The following SATB1 variants were observed in gnomAD, a reference collection of about 807,000 sequenced individuals.
SATB1 encodes the protein SATB homeobox 1.
In SATB1, 11 loss-of-function variants were observed where a neutral mutation model predicts 86.9. That is an observed-to-expected ratio of 0.13 (90% CI 0.08 to 0.21). The LOEUF is 0.21. SATB1 is among the 10% of genes least tolerant of loss of function. The probability of loss-of-function intolerance (pLI) is 1.00; values close to 1 mark genes in which losing one functional copy is unlikely to be tolerated. For synonymous variants in SATB1, 357 were observed against 357.2 expected (o/e 1.00, Z 0.01); for missense variants, 551 against 937.6 (o/e 0.59, Z 5.39).
At chr3:18,409,567 C>T (rs1697725642) in intron 5 of SATB1, 1 of 151,958 alleles carries the variant, frequency 6.6e-6, no homozygotes, top group African/African-American at 2.4e-5. Flanking sequence ...ATGGATCCCA[C>T]CATTACAGTA....
upstream of SATB1, among the ~76,000 whole-genome samples, chr3:18,440,838 G>C (rs886553391): frequency 2.0e-5 from 3 of 152,140 alleles, no homozygotes; most frequent in African/African-American, 4.8e-5. Context: ...AGTAATGACT[G>C]TTCTGTAATC....
rs181830293 is a variant in SATB1, at chr3:18,357,335, T to C, written c.1576-5140A>G. On this transcript the variant is annotated intron_variant, in intron 9 of 10. Coordinates refer to ENST00000338745, the MANE Select transcript of SATB1 (RefSeq NM_002971.6). ...AACAAGGATTAAGTACATAATCCAT[T>C]AAATAGTACTTCTAACAAAAAATTC... is the stretch of plus-strand genomic sequence containing the variant. Among the ~76,000 whole-genome samples the C allele has an allele frequency of 8.9e-4, 135 of 152,018 alleles. 3 individuals carry two copies. Among genetic ancestry groups the C allele is most frequent in the Admixed American group, 8.9e-3 (135 of 15,248 alleles).
chr3:18,407,064 G>A (rs941910439), intron 5 of SATB1, among the ~76,000 whole-genome samples: 19 of 152,008 alleles, frequency 1.2e-4, no homozygotes, highest in Non-Finnish European at 2.5e-4. Context: ...TGCTACGATG[G>A]GCACATAAGG....
In SATB1 at chr3:18,352,386, T is replaced by C; in HGVS notation, c.1576-191A>G. On this transcript the variant is annotated intron_variant, in intron 9 of 10. Coordinates refer to ENST00000338745, the MANE Select transcript of SATB1 (RefSeq NM_002971.6). The surrounding 1 kb of genome is among the most constrained non-coding windows in gnomAD (Gnocchi z 4.1). ...GGCTGTCAAGGAGGCAGACTCTGTTTCTAATCAAAGTTCAGATTTGCATCT... is the reference window on the plus strand; with the variant it reads ...GGCTGTCAAGGAGGCAGACTCTGTTCCTAATCAAAGTTCAGATTTGCATCT... 7.1e-6 allele frequency: 4 copies of C among 564,494 alleles called. No individual in the cohort carries two copies. Among genetic ancestry groups the C allele is most frequent in the Admixed American group, 3.0e-5 (1 of 33,012 alleles). 35.0% of individuals were successfully genotyped at this position (564,494 alleles called of 1,614,324 possible). A position where few individuals can be genotyped will look rare whatever the true frequency, so the allele number is the denominator to read the frequency against.
Position 18,349,135 on chromosome 3 carries a change from C to G in SATB1, c.*35G>C. On this transcript the variant is annotated 3_prime_UTR_variant, in exon 11 of 11. Transcript: ENST00000338745. This position sits in a 1 kb window ranked among gnomAD's most constrained non-coding sequence, Gnocchi z 5.5. ...GACTTTTCATTTTGTTAGTAAATAC[C>G]AGTGGCACTGTTGAACGAAACAAAT... The G allele has an allele frequency of 6.3e-7, 1 of 1,597,438 alleles. No homozygotes were observed. Among genetic ancestry groups the G allele is most frequent in the Non-Finnish European group, 8.5e-7 (1 of 1,170,762 alleles).
At chr3:18,373,209 A>G (rs1398724605) in intron 9 of SATB1, among the ~76,000 whole-genome samples, 3 of 152,208 alleles carry the variant, frequency 2.0e-5, no homozygotes, top group Non-Finnish European at 2.9e-5. Context: ...TTAGGCCACA[A>G]TGTGAAGATC....
intron 5 of SATB1, among the ~76,000 whole-genome samples, chr3:18,412,220 A>G (rs1279541750): frequency 1.3e-5 from 2 of 152,116 alleles, no homozygotes; most frequent in African/African-American, 2.4e-5. Flanking sequence ...TCCTTCAATT[A>G]TCAAAAGGAG....
At position 18,348,769 on chromosome 3, in the gene SATB1, AG is replaced by A. The variant is rs1442921285; in HGVS notation, c.*400del. ...TTTTAAATAAGGGGCAAGTTTCCAAAGATCAGTGTGGAGTGCTACAGAAATA... is the reference window on the plus strand; with the variant it reads ...TTTTAAATAAGGGGCAAGTTTCCAAAATCAGTGTGGAGTGCTACAGAAATA... On this transcript the variant is annotated 3_prime_UTR_variant, in exon 11 of 11. Transcript: ENST00000338745. 6.2e-6 allele frequency: 1 copy of A among 160,026 alleles called. No homozygotes were observed. The highest frequency in any genetic ancestry group is 1.4e-5 in the Non-Finnish European group (1 of 73,568). The allele number at this position is 160,026 out of a possible 1,614,324, so 9.9% of individuals were successfully genotyped here.
At chr3:18,357,662 C>T (rs1181085667) in intron 9 of SATB1, among the ~76,000 whole-genome samples, 1 of 150,904 alleles carries the variant, frequency 6.6e-6, no homozygotes, top group Non-Finnish European at 1.5e-5. Context: ...AATCCTTCAC[C>T]TTTAGCATAA....
intron 10 of SATB1, chr3:18,351,726 C>T: frequency 1.9e-6 from 1 of 530,934 alleles, no homozygotes; most frequent in South Asian, 2.4e-5. Flanking sequence ...CCAATACCAA[C>T]AAAGACACAT....
At chr3:18,427,157 A>T (rs1698732977), upstream of SATB1, among the ~76,000 whole-genome samples, 1 of 152,212 alleles carries the variant, frequency 6.6e-6, no homozygotes, top group South Asian at 2.1e-4. Context: ...AAAAGTTAAA[A>T]TGTGGGGAAA....
At chr3:18,415,840 T>C (rs1192637794) in intron 4 of SATB1, among the ~76,000 whole-genome samples, 167 bp downstream of exon 4, 2 of 151,946 alleles carry the variant, frequency 1.3e-5, no homozygotes, top group African/African-American at 4.8e-5. Context: ...AAATTATACA[T>C]TGAAGTTAGG....
At chr3:18,439,720 A>G (rs1699187762), upstream of SATB1, among the ~76,000 whole-genome samples, 1 of 152,222 alleles carries the variant, frequency 6.6e-6, no homozygotes, top group South Asian at 2.1e-4. Flanking sequence ...AACTGTGTAT[A>G]GACAGTTAAG....
upstream of SATB1, among the ~76,000 whole-genome samples, chr3:18,440,877 A>C (rs879532150): frequency 7.2e-5 from 11 of 152,216 alleles, no homozygotes; most frequent in South Asian, 4.1e-4. Context: ...ATGAATACTT[A>C]ATATAATAAG....
intron 5 of SATB1, among the ~76,000 whole-genome samples, chr3:18,406,813 A>G (rs1697560894): frequency 6.6e-6 from 1 of 152,092 alleles, no homozygotes; most frequent in African/African-American, 2.4e-5. Flanking sequence ...AAAATATTTC[A>G]TAAGATAGGA....
At chr3:18,400,428 A>C (rs1258143902) in intron 5 of SATB1, among the ~76,000 whole-genome samples, 2 of 152,198 alleles carry the variant, frequency 1.3e-5, no homozygotes, top group African/African-American at 2.4e-5. Flanking sequence ...CAAATAGTTG[A>C]CCATTCCATC....
At chr3:18,360,260 T>C (rs1694843413) in intron 9 of SATB1, among the ~76,000 whole-genome samples, 2 of 152,172 alleles carry the variant, frequency 1.3e-5, no homozygotes, top group Non-Finnish European at 2.9e-5. Context: ...GTGATATCCT[T>C]GTAAATCAGA....
At chr3:18,382,355 C>T (rs1336774895) in intron 8 of SATB1, among the ~76,000 whole-genome samples, 1 of 152,104 alleles carries the variant, frequency 6.6e-6, no homozygotes, top group Non-Finnish European at 1.5e-5. Context: ...TAATTATATG[C>T]TTTCAAACAG....
intron 8 of SATB1, among the ~76,000 whole-genome samples, chr3:18,381,827 A>G (rs1330769789): frequency 6.6e-6 from 1 of 152,112 alleles, no homozygotes; most frequent in Non-Finnish European, 1.5e-5. Flanking sequence ...AGTGATGGAA[A>G]ATATTTCCCA....
Sources: gnomAD v4.1 joint callset for allele counts (sites outside exome capture counted in the v4.1 genomes callset) on GRCh38, gnomAD v4.1.1 for gene constraint, Gnocchi (gnomAD v3.1) non-coding constraint, MANE v1.5 for transcripts, NCBI Gene and HGNC (gene_info 2026-07-23, HGNC 2026-07-21) for gene names.